The following TDRD10 variants were observed in gnomAD, a reference collection of about 807,000 sequenced individuals.
TDRD10 encodes the protein tudor domain-containing protein 10.
Under a neutral mutation model 48.0 loss-of-function variants are expected in TDRD10, and 40 were observed. That is an observed-to-expected ratio of 0.83 (90% CI 0.65 to 1.09). TDRD10 has a LOEUF of 1.09. Among genes scored for constraint, TDRD10 ranks in the 50% least tolerant of loss-of-function variants. The probability of loss-of-function intolerance (pLI) is 0.00; values close to 1 mark genes in which losing one functional copy is unlikely to be tolerated. For synonymous variants in TDRD10, 162 were observed against 170.4 expected, an observed-to-expected ratio of 0.95 and a Z score of 0.38; for missense variants, 378 against 434.7, an observed-to-expected ratio of 0.87 and a Z score of 1.16.
chr1:154,507,109 AG>A, intron 2 of TDRD10, 131 bp from the exon 3 acceptor site: 18 of 1,529,006 alleles, frequency 1.2e-5, no homozygotes, highest in Non-Finnish European at 1.5e-5. Context: ...TGATTCTGGG[AG>A]GAGGAAGGGA....
intron 5 of TDRD10, among the ~76,000 whole-genome samples, chr1:154,520,823 C>T (rs774753666): frequency 2.7e-5 from 4 of 146,836 alleles, no homozygotes; most frequent in Non-Finnish European, 4.6e-5. Context: ...CTGCAACTTC[C>T]ACCTCCTAGG....
chr1:154,503,647 A>C (rs1353794391), intron 1 of TDRD10, among the ~76,000 whole-genome samples: 1 of 152,178 alleles, frequency 6.6e-6, no homozygotes, highest in Non-Finnish European at 1.5e-5. Context: ...AAGAAATTTA[A>C]ACTTAGTTTA....
rs190806295 is a variant in TDRD10, at chr1:154,534,425, C to T, written c.370-7599C>T. The stretch of plus-strand genomic sequence containing the variant: ...CATAAAAGCCAGGCTGCAACTTTCC[C>T]GTTGCTTACCACGAGGTGGCAGTTT... On this transcript the variant is annotated intron_variant, in intron 6 of 12. Transcript: ENST00000368482. 4 of 152,366 alleles carry T rather than the reference C, an allele frequency of 2.6e-5. No individual in the cohort carries two copies. In the East Asian group the frequency reaches 5.8e-4, roughly 22 times the overall value. The allele number at this position is 152,366 out of a possible 1,614,324, so 9.4% of individuals were successfully genotyped here. A position where few individuals can be genotyped will look rare whatever the true frequency, so the allele number is the denominator to read the frequency against.
In TDRD10 at chr1:154,538,016, G is replaced by A. The variant is rs189845710; in HGVS notation, c.370-4008G>A. 3.2e-3 allele frequency among the ~76,000 whole-genome samples: 480 copies of A among 152,244 alleles called. 2 individuals carry two copies. Among genetic ancestry groups the A allele is most frequent in the African/African-American group, 0.011 (464 of 41,522 alleles). ...GCCACCTTTGTATTACAGACACGTC[G>A]GAAATTGGAGGTCTGTGTTTAGGTG... On this transcript the variant is annotated intron_variant, in intron 6 of 12. Transcript: ENST00000368482.
At chr1:154,522,789 TCTC>T (rs1694123783) in intron 6 of TDRD10, among the ~76,000 whole-genome samples, 1 of 152,256 alleles carries the variant, frequency 6.6e-6, no homozygotes, top group Non-Finnish European at 1.5e-5. Context: ...TGTCTGCTCT[TCTC>T]TGTGTTATGC....
At chr1:154,517,339 A>G (rs1230582777) in intron 4 of TDRD10, among the ~76,000 whole-genome samples, 1 of 151,868 alleles carries the variant, frequency 6.6e-6, no homozygotes, top group Non-Finnish European at 1.5e-5. Flanking sequence ...ATTCTTTTGT[A>G]TGAACCTACC....
In TDRD10 at chr1:154,521,473, C is replaced by G; in HGVS notation, c.363C>G (p.Ala121=). ...RTPDMIQQPR[A]PLVLEKASGE... ...CTGATATGATCCAGCAGCCTCGGGC[C>G]CCGCTGGTATGTCTTCTGGCCTTTC... The change falls in exon 6 of 13, where the codon GCC becomes GCG. Residue 121 remains alanine (A), a synonymous_variant. Coordinates refer to ENST00000368482, the MANE Select transcript of TDRD10 (RefSeq NM_182499.4). 6.2e-7 allele frequency: 1 copy of G among 1,613,658 alleles called. No individual in the cohort carries two copies. Among genetic ancestry groups the G allele is most frequent in the Non-Finnish European group, 8.5e-7 (1 of 1,179,976 alleles).
intron 6 of TDRD10, among the ~76,000 whole-genome samples, chr1:154,529,659 C>T (rs761268037): frequency 6.6e-6 from 1 of 151,466 alleles, no homozygotes; most frequent in Non-Finnish European, 1.5e-5. Context: ...GATTCTCCTG[C>T]CTCAGCCTCC....
chr1:154,515,164 A>T (rs560648449), intron 4 of TDRD10, among the ~76,000 whole-genome samples: 1 of 152,206 alleles, frequency 6.6e-6, no homozygotes, highest in African/African-American at 2.4e-5. Flanking sequence ...CACCACGTTC[A>T]GCCTCTGGCT....
At chr1:154,520,253 G>A (rs1313208530) in intron 4 of TDRD10, 51 bp from the exon 5 acceptor site, 23 of 1,332,056 alleles carry the variant, frequency 1.7e-5, no homozygotes, top group Non-Finnish European at 2.5e-5. Flanking sequence ...CTTGAGAAGT[G>A]GTTGTAAGTT....
intron 4 of TDRD10, 90 bp from the exon 5 acceptor site, chr1:154,520,214 T>G: frequency 1.1e-6 from 1 of 906,696 alleles, no homozygotes; most frequent in Non-Finnish European, 1.8e-6. Context: ...TTAAATTGAG[T>G]CCAGACTAGC....
At chr1:154,515,591 T>C (rs1693718203) in intron 4 of TDRD10, among the ~76,000 whole-genome samples, 1 of 152,222 alleles carries the variant, frequency 6.6e-6, no homozygotes, top group South Asian at 2.1e-4. Context: ...GCTTCGGAGG[T>C]GGCCTTCTCA....
chr1:154,506,136 C>G (rs575500258), intron 1 of TDRD10, among the ~76,000 whole-genome samples: 5 of 152,222 alleles, frequency 3.3e-5, no homozygotes, highest in Admixed American at 1.3e-4. Context: ...AAATATTATC[C>G]CATAGCTCTG....
rs546911925 is a variant in TDRD10, at chr1:154,527,341, C to T, written c.369+5862C>T. On this transcript the variant is annotated intron_variant, in intron 6 of 12. Transcript: ENST00000368482. ...TCGAGAACTCAAAAAGAGGCTCATT[C>T]GTACACAGAAACTATTATTCAGGTA... Among the ~76,000 whole-genome samples, 15 of 152,298 alleles carry T rather than the reference C, an allele frequency of 9.8e-5. No individual in the cohort carries two copies. In the South Asian group the frequency reaches 2.7e-3, roughly 27 times the overall value.
intron 6 of TDRD10, among the ~76,000 whole-genome samples, chr1:154,524,901 G>A (rs1183801914): frequency 2.0e-5 from 3 of 152,156 alleles, no homozygotes; most frequent in African/African-American, 7.2e-5. Context: ...CCAAGGACCT[G>A]AGGCAGACAC....
At chr1:154,518,795 A>C (rs1224921741) in intron 4 of TDRD10, among the ~76,000 whole-genome samples, 2 of 152,212 alleles carry the variant, frequency 1.3e-5, no homozygotes, top group African/African-American at 4.8e-5. Context: ...ACAATGAGTG[A>C]ATGGATGTGC....
intron 4 of TDRD10, among the ~76,000 whole-genome samples, chr1:154,512,029 GA>G (rs11312958): frequency 0.13 from 19,341 of 147,554 alleles, 1,430 homozygotes; most frequent in South Asian, 0.18. Flanking sequence ...AACTGTGTCT[GA>G]AAAAAAAAAA....
At chr1:154,519,085 T>TCC (rs1228038104) in intron 4 of TDRD10, among the ~76,000 whole-genome samples, 2 of 152,186 alleles carry the variant, frequency 1.3e-5, no homozygotes, top group Admixed American at 6.5e-5. Flanking sequence ...GTGCAATGAG[T>TCC]ATAGTAATAA....
intron 6 of TDRD10, among the ~76,000 whole-genome samples, chr1:154,531,424 G>A (rs1326422438): frequency 6.6e-6 from 1 of 152,146 alleles, no homozygotes; most frequent in Non-Finnish European, 1.5e-5. Context: ...TCTGATGTTC[G>A]GATGTGTTCA....
Sources: gnomAD v4.1 joint callset for allele counts (sites outside exome capture counted in the v4.1 genomes callset) on GRCh38, gnomAD v4.1.1 for gene constraint, MANE v1.5 for transcripts, NCBI Gene and HGNC (gene_info 2026-07-23, HGNC 2026-07-21) for gene names.